NRF1: variants seen among roughly 807,000 people sequenced by gnomAD.
The protein encoded by NRF1 is alpha palindromic-binding protein.
A neutral mutation model predicts 58.5 loss-of-function variants in NRF1; 5 were observed. The ratio of observed to expected loss-of-function variants is 0.09; its 90% CI spans 0.04 to 0.18. The LOEUF is 0.18. Among genes scored for constraint, NRF1 ranks in the 10% least tolerant of loss-of-function variants. The pLI is 1.00. For synonymous variants in NRF1, 224 were observed against 246.7 expected (o/e 0.91, Z 0.86); for missense variants, 288 against 657.7 (o/e 0.44, Z 6.15).
intron 10 of NRF1, among the ~76,000 whole-genome samples, chr7:129,743,263 T>C (rs1803891691): frequency 6.6e-6 from 1 of 152,124 alleles, no homozygotes; most frequent in African/African-American, 2.4e-5. Context: ...TCCTTGGCCT[T>C]CTCCTAATTA....
chr7:129,651,328 G>A (rs918657551), intron 1 of NRF1, among the ~76,000 whole-genome samples: 1 of 151,374 alleles, frequency 6.6e-6, no homozygotes, highest in South Asian at 2.1e-4. Context: ...GCTGAGGCAC[G>A]AGAATTGCTT....
intron 8 of NRF1, among the ~76,000 whole-genome samples, chr7:129,714,991 AGCTGATGGATCACCT>A (rs573961158): frequency 1.1e-4 from 16 of 152,168 alleles, no homozygotes; most frequent in Non-Finnish European, 2.2e-4. Flanking sequence ...GATACACCTG[AGCTGATGGATCACCT>A]GCTGTACTTC....
intron 1 of NRF1, among the ~76,000 whole-genome samples, chr7:129,631,307 T>A (rs921548047): frequency 6.6e-6 from 1 of 151,914 alleles, no homozygotes; most frequent in African/African-American, 2.4e-5. Context: ...GTAGCCTTGA[T>A]CTCCCTGACT....
At chr7:129,612,327 C>T (rs1310130118) in intron 1 of NRF1, among the ~76,000 whole-genome samples, 2 of 151,574 alleles carry the variant, frequency 1.3e-5, no homozygotes, top group African/African-American at 2.4e-5. Flanking sequence ...GCGGTGGGGC[C>T]GGGCTGGGGC....
intron 1 of NRF1, among the ~76,000 whole-genome samples, chr7:129,620,191 G>A (rs1265550996): frequency 2.0e-5 from 3 of 152,138 alleles, no homozygotes; most frequent in African/African-American, 4.8e-5. Context: ...GGAAAGATAC[G>A]AGGAACTTCT....
At chr7:129,625,720 T>C (rs371660731) in intron 1 of NRF1, among the ~76,000 whole-genome samples, 59 of 147,770 alleles carry the variant, frequency 4.0e-4, no homozygotes, top group East Asian at 1.8e-3. Context: ...CTCGCTCTGT[T>C]GCCCAGGCTG....
At chr7:129,693,542 GT>G (rs144027422) in intron 5 of NRF1, among the ~76,000 whole-genome samples, 4 of 148,870 alleles carry the variant, frequency 2.7e-5, no homozygotes, top group South Asian at 4.2e-4. Context: ...ATTTTTTGGC[GT>G]TTTTTTTTTC....
intron 2 of NRF1, 35 bp downstream of exon 2, chr7:129,657,609 T>TA: frequency 3.1e-6 from 3 of 953,666 alleles, no homozygotes; most frequent in Non-Finnish European, 4.2e-6. Flanking sequence ...CTTCTTTAAT[T>TA]TTTTTTTTTT....
chr7:129,671,633 G>GAATCGAACCAAGC, intron 3 of NRF1, 90 bp downstream of exon 3: 2 of 717,198 alleles, frequency 2.8e-6, no homozygotes, highest in South Asian at 1.8e-5. Flanking sequence ...GTTTGTCAAG[G>GAATCGAACCAAGC]ATGCTTGGTT....
At chr7:129,686,332 AAAAT>A (rs2151090784) in intron 4 of NRF1, among the ~76,000 whole-genome samples, 1 of 152,298 alleles carries the variant, frequency 6.6e-6, no homozygotes, top group South Asian at 2.1e-4. Flanking sequence ...GAGTATTGGA[AAAAT>A]AAATAATTGG....
At chr7:129,646,977 G>C (rs193016177) in intron 1 of NRF1, among the ~76,000 whole-genome samples, 2 of 152,306 alleles carry the variant, frequency 1.3e-5, no homozygotes, top group East Asian at 3.9e-4. Flanking sequence ...CATTATGATA[G>C]ATCTATTCAT....
intron 5 of NRF1, among the ~76,000 whole-genome samples, chr7:129,695,986 G>T (rs981119729): frequency 6.7e-6 from 1 of 149,196 alleles, no homozygotes; most frequent in African/African-American, 2.5e-5. Flanking sequence ...ACTTTGGGAG[G>T]CCGAGGCAGG....
intron 10 of NRF1, among the ~76,000 whole-genome samples, chr7:129,736,385 G>A (rs1006034905): frequency 3.4e-5 from 5 of 149,164 alleles, no homozygotes; most frequent in Admixed American, 6.8e-5. Flanking sequence ...GGGTTCAAGC[G>A]ATTCTCCTGC....
intron 1 of NRF1, chr7:129,633,878 A>G (rs946058784): frequency 6.6e-6 from 1 of 151,532 alleles, no homozygotes; most frequent in African/African-American, 2.4e-5. Context: ...TTTATAATAT[A>G]TAAACTATAA....
chr7:129,684,403 T>G (rs1802399559), intron 4 of NRF1, among the ~76,000 whole-genome samples: 1 of 152,162 alleles, frequency 6.6e-6, no homozygotes, highest in African/African-American at 2.4e-5. Flanking sequence ...CTCAGCCAAG[T>G]GGATTAACTT....
chr7:129,701,931 CTA>C (rs1230377014), intron 5 of NRF1, among the ~76,000 whole-genome samples: 2 of 152,112 alleles, frequency 1.3e-5, no homozygotes, highest in Non-Finnish European at 2.9e-5. Context: ...GAGAAGATCT[CTA>C]TGACAAAATG....
intron 10 of NRF1, among the ~76,000 whole-genome samples, chr7:129,732,153 C>T (rs1042238877): frequency 1.3e-5 from 2 of 152,124 alleles, no homozygotes; most frequent in Non-Finnish European, 2.9e-5. Flanking sequence ...ACCTTAACAC[C>T]CATTGTTGGC....
chr7:129,654,658 C>T (rs962023984), intron 1 of NRF1, among the ~76,000 whole-genome samples: 1 of 152,150 alleles, frequency 6.6e-6, no homozygotes, highest in African/African-American at 2.4e-5. Context: ...GTCTAGATTT[C>T]ATTTTTTTGA....
chr7:129,700,871 A>T (rs1441617346), intron 5 of NRF1, among the ~76,000 whole-genome samples: 1 of 152,164 alleles, frequency 6.6e-6, no homozygotes, highest in Non-Finnish European at 1.5e-5. Flanking sequence ...AGCCATGATC[A>T]TGCCACTGTA....
Sources: allele counts gnomAD v4.1 joint callset (sites outside exome capture counted in the v4.1 genomes callset), GRCh38; gene constraint gnomAD v4.1.1; transcripts MANE v1.5; gene names NCBI Gene and HGNC (gene_info 2026-07-23, HGNC 2026-07-21).